PPAT: variants seen among roughly 807,000 people sequenced by gnomAD.
The protein encoded by PPAT is phosphoribosyl pyrophosphate amidotransferase, also known as amidophosphoribosyltransferase.
A neutral mutation model predicts 60.2 loss-of-function variants in PPAT; 20 were observed. The ratio of observed to expected loss-of-function variants is 0.33; its 90% CI spans 0.23 to 0.48. The LOEUF (loss-of-function observed/expected upper bound fraction) is 0.48. PPAT is among the 20% of genes least tolerant of loss of function. PPAT has a pLI of 0.99. For missense variants in PPAT, 349 were observed against 629.6 expected (o/e 0.55, Z 4.77); for synonymous variants, 194 against 215.1 (o/e 0.90, Z 0.86).
At chr4:56,429,195 G>A (rs555506239) in intron 1 of PPAT, among the ~76,000 whole-genome samples, 2 of 152,292 alleles carry the variant, frequency 1.3e-5, no homozygotes, top group Non-Finnish European at 2.9e-5. Flanking sequence ...TCCTGCAGGA[G>A]CTAGAGTTTA....
At chr4:56,409,180 T>C (rs1716340497) in intron 1 of PPAT, among the ~76,000 whole-genome samples, 1 of 151,980 alleles carries the variant, frequency 6.6e-6, no homozygotes, top group Non-Finnish European at 1.5e-5. Flanking sequence ...CCATGCCCAT[T>C]TTACAGATAA....
At position 56,394,122 on chromosome 4, in the gene PPAT, G is replaced by A. The variant is rs920822316; in HGVS notation, c.*1230C>T. 3.9e-5 allele frequency: 6 copies of A among 152,020 alleles called. No homozygotes were observed. Among genetic ancestry groups the A allele is most frequent in the Admixed American group, 2.6e-4 (4 of 15,260 alleles). 9.4% of individuals were successfully genotyped at this position (152,020 alleles called of 1,614,324 possible). On this transcript the variant is annotated 3_prime_UTR_variant, in exon 11 of 11. Coordinates refer to ENST00000264220, the MANE Select transcript of PPAT (RefSeq NM_002703.5). ...AAAATTCTTACATAAACAAAGGTTT[G>A]GGGTCAAGTCATCTTAAACTTCTAA... is the stretch of plus-strand genomic sequence containing the variant.
At chr4:56,417,842 G>GTTTTTTTTTTT (rs35004501) in intron 1 of PPAT, among the ~76,000 whole-genome samples, 2 of 136,166 alleles carry the variant, frequency 1.5e-5, no homozygotes, top group African/African-American at 5.5e-5. Context: ...TTGGTTTTTT[G>GTTTTTTTTTTT]TTTTTTTTTT....
rs1284043179 is a variant in PPAT, at chr4:56,394,557, T to C, written c.*795A>G. 1 of 152,210 alleles carries C rather than the reference T, an allele frequency of 6.6e-6. No individual in the cohort carries two copies. Among genetic ancestry groups the C allele is most frequent in the African/African-American group, 2.4e-5 (1 of 41,448 alleles). 9.4% of individuals were successfully genotyped at this position (152,210 alleles called of 1,614,324 possible). A position where few individuals can be genotyped will look rare whatever the true frequency, so the allele number is the denominator to read the frequency against. On this transcript the variant is annotated 3_prime_UTR_variant, in exon 11 of 11. Transcript: ENST00000264220. ...ACTAAATACTATGGATCACATTTTC[T>C]AGTCAAATGTAGGAAAAACTTTTTC...
chr4:56,404,811 A>T (rs886612811), intron 3 of PPAT, among the ~76,000 whole-genome samples: 3 of 152,214 alleles, frequency 2.0e-5, no homozygotes, highest in Non-Finnish European at 2.9e-5. Flanking sequence ...TAAAAAATGG[A>T]ATGACAGTGA....
chr4:56,411,038 A>G (rs1176014117), intron 1 of PPAT: 1 of 607,736 alleles, frequency 1.6e-6, no homozygotes, highest in Non-Finnish European at 2.1e-6. Flanking sequence ...CTGTGGAAAA[A>G]TAACCAATTT....
rs1560637058 is a variant in PPAT, at chr4:56,399,170, ATTAC to A, written c.1236+5_1236+8del. The A allele has an allele frequency of 6.3e-7, 1 of 1,594,046 alleles. No homozygotes were observed. Among genetic ancestry groups the A allele is most frequent in the Non-Finnish European group, 8.6e-7 (1 of 1,162,170 alleles). On this transcript the variant is annotated splice_donor_5th_base_variant and intron_variant, in intron 9 of 10. Coordinates refer to ENST00000264220, the MANE Select transcript of PPAT (RefSeq NM_002703.5). ...CTTATGCTTTAGGATATGTTTTAAT[ATTAC>A]TTACCTCTTTTGCACCAGATTCTTT...
At chr4:56,419,631 T>C in intron 1 of PPAT, 1 of 977,102 alleles carries the variant, frequency 1.0e-6, no homozygotes. Flanking sequence ...TACGTCAGTA[T>C]TGGAACCCTC....
At position 56,397,311 on chromosome 4, in the gene PPAT, CT is replaced by C. The variant is rs553205987; in HGVS notation, c.1237-573del. On this transcript the variant is annotated intron_variant, in intron 9 of 10. Transcript: ENST00000264220. Reference sequence around the variant, plus strand: ...CATTTCCAGGTTCTTTGACTTTATTCTTTTTCACTATTGCAATAAATGATGA... The same window carrying C: ...CATTTCCAGGTTCTTTGACTTTATTCTTTTCACTATTGCAATAAATGATGA... Among the ~76,000 whole-genome samples the C allele has an allele frequency of 1.0e-3, 154 of 152,156 alleles. 1 individual carries two copies. Among genetic ancestry groups the C allele is most frequent in the African/African-American group, 3.6e-3 (149 of 41,524 alleles).
chr4:56,410,710 T>C, intron 1 of PPAT: 3 of 986,674 alleles, frequency 3.0e-6, no homozygotes, highest in Non-Finnish European at 3.6e-6. Context: ...AGTACAAAAA[T>C]CTCAAATATG....
intron 1 of PPAT, among the ~76,000 whole-genome samples, chr4:56,416,817 C>T (rs1716775841): frequency 6.6e-6 from 1 of 152,080 alleles, no homozygotes; most frequent in Non-Finnish European, 1.5e-5. Flanking sequence ...ATTTGAATCA[C>T]CCAATGAATT....
intron 3 of PPAT, chr4:56,403,935 T>C (rs781677650): frequency 9.4e-5 from 35 of 371,488 alleles, no homozygotes; most frequent in South Asian, 6.7e-4. Flanking sequence ...GTGGTAATAG[T>C]GAGCGATGGG....
At chr4:56,404,158 T>C in intron 3 of PPAT, 1 of 328,530 alleles carries the variant, frequency 3.0e-6, no homozygotes, top group Non-Finnish European at 6.5e-6. Flanking sequence ...CTTTATGAGA[T>C]GTACAGAAAA....
intron 10 of PPAT, 139 bp from the exon 11 acceptor site, chr4:56,395,687 A>C: frequency 1.8e-6 from 1 of 568,334 alleles, no homozygotes; most frequent in Non-Finnish European, 2.6e-6. Context: ...AAAAAAAAAA[A>C]AGGAAAAAAA....
Position 56,435,591 on chromosome 4 carries a change from CT to C in PPAT, c.-115del. ...AGCTCGCGCTCGCGACAGGCTCTTCCTTCCCGAGGGTGGCCCCAGCTACTGC... is the reference window on the plus strand; with the variant it reads ...AGCTCGCGCTCGCGACAGGCTCTTCCTCCCGAGGGTGGCCCCAGCTACTGC... On this transcript the variant is annotated 5_prime_UTR_variant, in exon 1 of 11. Coordinates refer to ENST00000264220, the MANE Select transcript of PPAT (RefSeq NM_002703.5). 1 of 1,561,850 alleles carries C rather than the reference CT, an allele frequency of 6.4e-7. No homozygotes were observed. Among genetic ancestry groups the C allele is most frequent in the South Asian group, 1.2e-5 (1 of 84,708 alleles).
intron 9 of PPAT, 41 bp downstream of exon 9, chr4:56,399,138 T>C (rs1008432094): frequency 4.1e-5 from 63 of 1,522,122 alleles, no homozygotes; most frequent in Non-Finnish European, 5.5e-5. Flanking sequence ...CAGTATCTTA[T>C]TGTTAACTTA....
intron 1 of PPAT, 77 bp from the exon 2 acceptor site, chr4:56,407,793 T>C (rs1716283355): frequency 8.8e-7 from 1 of 1,140,338 alleles, no homozygotes. Context: ...AAGCATACTT[T>C]CTCAACAAGC....
chr4:56,395,672 T>G (rs76917475), intron 10 of PPAT, 124 bp from the exon 11 acceptor site: 1 of 600,996 alleles, frequency 1.7e-6, no homozygotes, highest in South Asian at 7.0e-5. Context: ...TTAGCCTTTC[T>G]TTAAAAAAAA....
In PPAT at chr4:56,406,454, T is replaced by C. The variant is rs2271923; in HGVS notation, c.402+41A>G. 318,211 of 1,563,510 alleles carry C rather than the reference T, an allele frequency of 0.2. 36,959 individuals are homozygous for C. Among genetic ancestry groups the C allele is most frequent in the Admixed American group, 0.44 (26,614 of 59,876 alleles). On this transcript the variant is annotated intron_variant, in intron 3 of 10. Transcript: ENST00000264220. ...ACTTTTATTCATTAACCCATCCTAA[T>C]CATTTAAAAAGGCCTAGGGAAAACA...
Sources: gnomAD v4.1 joint callset for allele counts (sites outside exome capture counted in the v4.1 genomes callset) on GRCh38, gnomAD v4.1.1 for gene constraint, MANE v1.5 for transcripts, NCBI Gene and HGNC (gene_info 2026-07-23, HGNC 2026-07-21) for gene names.